CDYL: variants seen among roughly 807,000 people sequenced by gnomAD.
CDYL encodes the protein chromodomain Y like, also known as chromodomain Y-like protein.
In CDYL, 8 loss-of-function variants were observed where a neutral mutation model predicts 47.3. The observed-to-expected ratio is 0.17, with a 90% CI of 0.10 to 0.31. The LOEUF (loss-of-function observed/expected upper bound fraction) is 0.31. CDYL is among the 10% of genes least tolerant of loss of function. The pLI, the probability that CDYL is intolerant of heterozygous loss-of-function variation, is 1.00. For synonymous variants in CDYL, 266 were observed against 265.0 expected (o/e 1.00, Z -0.04); for missense variants, 471 against 701.4 (o/e 0.67, Z 3.71).
At position 4,955,240 on chromosome 6, in the gene CDYL, T is replaced by C. The variant is rs917050888; in HGVS notation, c.*1184T>C. 1.3e-5 allele frequency: 2 copies of C among 152,624 alleles called. No homozygotes were observed. The highest frequency in any genetic ancestry group is 4.8e-5 in the African/African-American group (2 of 41,430). The allele number at this position is 152,624 out of a possible 1,614,324, so 9.5% of individuals were successfully genotyped here. On this transcript the variant is annotated 3_prime_UTR_variant, in exon 7 of 7. Coordinates refer to ENST00000397588, the MANE Select transcript of CDYL (RefSeq NM_004824.4). Reference sequence around the variant, plus strand: ...CTGATTCCAGACTCCAGATGCCTATTATTAGTTAGGCTTCTGAGCTTGCAA... The same window carrying C: ...CTGATTCCAGACTCCAGATGCCTATCATTAGTTAGGCTTCTGAGCTTGCAA...
At chr6:4,711,725 G>A (rs757168730) in intron 1 of CDYL, among the ~76,000 whole-genome samples, 19 of 152,156 alleles carry the variant, frequency 1.2e-4, no homozygotes, top group Non-Finnish European at 2.6e-4. Flanking sequence ...GCCAGGAAGA[G>A]GCTTCAGCTG....
exon 2 of CDYL, chr6:4,715,751 G>C (rs748417401): frequency 1.2e-6 from 2 of 1,613,390 alleles, no homozygotes; most frequent in East Asian, 2.2e-5. Context: ...GTGGTCATCA[G>C]AGAACACAGA....
intron 1 of CDYL, among the ~76,000 whole-genome samples, chr6:4,807,158 G>C (rs753674535): frequency 6.6e-6 from 1 of 152,172 alleles, no homozygotes; most frequent in Non-Finnish European, 1.5e-5. Flanking sequence ...AAAGGCTCTT[G>C]TCTTCAAATG....
At chr6:4,925,063 G>A (rs1757826994) in intron 2 of CDYL, among the ~76,000 whole-genome samples, 1 of 152,218 alleles carries the variant, frequency 6.6e-6, no homozygotes, top group South Asian at 2.1e-4. Flanking sequence ...CTGAAACCAT[G>A]CAGAAAGTTG....
In CDYL at chr6:4,861,824, A is replaced by G. The variant is rs1581219396; in HGVS notation, c.25-29889A>G. Among the ~76,000 whole-genome samples the G allele has an allele frequency of 2.6e-5, 4 of 152,272 alleles. 1 individual carries two copies. The highest frequency in any genetic ancestry group is 2.6e-4 in the Admixed American group (4 of 15,288). Reference sequence around the variant, plus strand: ...TCCTGCTTGTTGTTTGTCCTTAGGCAGTTTGACTTCTCCACTCAGCAAGCC... The same window carrying G: ...TCCTGCTTGTTGTTTGTCCTTAGGCGGTTTGACTTCTCCACTCAGCAAGCC... On this transcript the variant is annotated intron_variant, in intron 1 of 6. Coordinates refer to ENST00000397588, the MANE Select transcript of CDYL (RefSeq NM_004824.4).
chr6:4,764,813 A>C (rs999585461), intron 3 of CDYL, among the ~76,000 whole-genome samples: 2 of 152,226 alleles, frequency 1.3e-5, no homozygotes, highest in Non-Finnish European at 2.9e-5. Flanking sequence ...AACTAATAGA[A>C]TATTTGAACA....
intron 5 of CDYL, among the ~76,000 whole-genome samples, chr6:4,950,949 C>A: frequency 8.1e-6 from 1 of 124,164 alleles, no homozygotes; most frequent in East Asian, 2.6e-4. Context: ...AAAAAAAAAA[C>A]TTGCAAACCC....
intron 3 of CDYL, among the ~76,000 whole-genome samples, chr6:4,759,327 G>A (rs967681346): frequency 2.0e-5 from 3 of 152,032 alleles, no homozygotes; most frequent in African/African-American, 7.3e-5. Flanking sequence ...TTTCATATGT[G>A]TATCTTTCCA....
chr6:4,721,625 C>A (rs1433829980), intron 2 of CDYL, among the ~76,000 whole-genome samples: 1 of 152,126 alleles, frequency 6.6e-6, no homozygotes, highest in South Asian at 2.1e-4. Flanking sequence ...AACTGACCCA[C>A]CCACCTCAGC....
intron 2 of CDYL, among the ~76,000 whole-genome samples, chr6:4,728,261 G>C (rs1757548821): frequency 6.6e-6 from 1 of 152,206 alleles, no homozygotes; most frequent in African/African-American, 2.4e-5. Flanking sequence ...TGAGCCAATT[G>C]ACTGGCTGCT....
intron 3 of CDYL, among the ~76,000 whole-genome samples, chr6:4,750,501 CA>C (rs34496955): frequency 0.015 from 2,287 of 151,932 alleles, 59 homozygotes; most frequent in African/African-American, 0.046. Flanking sequence ...CATGCCCGGC[CA>C]AAAAAATTTT....
intron 1 of CDYL, among the ~76,000 whole-genome samples, chr6:4,871,015 G>A (rs1479133874): frequency 6.6e-6 from 1 of 152,182 alleles, no homozygotes; most frequent in Non-Finnish European, 1.5e-5. Flanking sequence ...TCTAATTTGA[G>A]TATGACTCAT....
chr6:4,707,227 C>G (rs1223535472), intron 1 of CDYL, among the ~76,000 whole-genome samples: 1 of 152,160 alleles, frequency 6.6e-6, no homozygotes, highest in East Asian at 1.9e-4. Context: ...GTCATTTGTC[C>G]AAGATTACAT....
intron 1 of CDYL, among the ~76,000 whole-genome samples, chr6:4,707,600 G>A (rs532138656): frequency 9.0e-4 from 137 of 152,256 alleles, no homozygotes; most frequent in Admixed American, 2.0e-3. Flanking sequence ...TGTATTGTAT[G>A]ACCTCCAGCC....
intron 1 of CDYL, among the ~76,000 whole-genome samples, chr6:4,860,297 CA>C (rs1761127469): frequency 6.6e-6 from 1 of 151,830 alleles, no homozygotes; most frequent in South Asian, 2.1e-4. Context: ...GTGTGTAATG[CA>C]TATGATTGTT....
At chr6:4,887,959 A>T (rs1761942713) in intron 1 of CDYL, among the ~76,000 whole-genome samples, 1 of 146,278 alleles carries the variant, frequency 6.8e-6, no homozygotes, top group African/African-American at 2.5e-5. Context: ...ACAATATGTG[A>T]TTTTTTCCCC....
chr6:4,779,908 A>G (rs1417922804), intron 1 of CDYL, among the ~76,000 whole-genome samples: 1 of 152,324 alleles, frequency 6.6e-6, no homozygotes, highest in East Asian at 1.9e-4. Context: ...AGTAAAATTC[A>G]CTTAGTATAT....
chr6:4,715,505 T>C (rs1757237220), intron 1 of CDYL, among the ~76,000 whole-genome samples: 1 of 152,224 alleles, frequency 6.6e-6, no homozygotes, highest in Non-Finnish European at 1.5e-5. Flanking sequence ...TATATTGTGG[T>C]GAAGAAGAGC....
intron 1 of CDYL, among the ~76,000 whole-genome samples, chr6:4,828,632 G>T (rs868392558): frequency 6.6e-6 from 1 of 152,006 alleles, no homozygotes; most frequent in Non-Finnish European, 1.5e-5. Flanking sequence ...GGAATTGATT[G>T]GCTTTGGATA....
Sources: gnomAD v4.1 joint callset for allele counts (sites outside exome capture counted in the v4.1 genomes callset) on GRCh38, gnomAD v4.1.1 for gene constraint, MANE v1.5 for transcripts, NCBI Gene and HGNC (gene_info 2026-07-23, HGNC 2026-07-21) for gene names.